Variants in RTN4RL1 observed in about 807,000 individuals in gnomAD.
RTN4RL1 encodes reticulon-4 receptor-like 1.
Under a neutral mutation model 25.6 loss-of-function variants are expected in RTN4RL1, and 7 were observed. That is an observed-to-expected ratio of 0.27 (90% confidence interval 0.16 to 0.51). The LOEUF (loss-of-function observed/expected upper bound fraction) is 0.51. RTN4RL1 is among the 20% of genes least tolerant of loss of function. RTN4RL1 has a pLI of 0.97. For synonymous variants in RTN4RL1, 297 were observed against 288.2 expected, an observed-to-expected ratio of 1.03 and a Z score of -0.31; for missense variants, 500 against 615.6, an observed-to-expected ratio of 0.81 and a Z score of 1.99.
chr17:1,971,886 T>C (rs1352418550), intron 1 of RTN4RL1, among the ~76,000 whole-genome samples: 151 of 136,890 alleles, frequency 1.1e-3, no homozygotes, highest in African/African-American at 3.3e-3. Flanking sequence ...GGCATGAACC[T>C]GGGAGGCGGA....
At chr17:1,947,732 C>T (rs980340797) in intron 1 of RTN4RL1, among the ~76,000 whole-genome samples, 4 of 152,338 alleles carry the variant, frequency 2.6e-5, no homozygotes, top group East Asian at 1.9e-4. Flanking sequence ...ATCGGGTCTC[C>T]GGTCTCCTTG....
At chr17:1,937,967 G>C (rs1915347709) in intron 1 of RTN4RL1, among the ~76,000 whole-genome samples, 159 bp from the exon 2 acceptor site, 1 of 152,238 alleles carries the variant, frequency 6.6e-6, no homozygotes, top group South Asian at 2.1e-4. Context: ...CCCAAGCCTG[G>C]AACCCGTCGG....
At chr17:2,023,574 T>G (rs546867925) in intron 1 of RTN4RL1, 3 of 152,480 alleles carry the variant, frequency 2.0e-5, no homozygotes, top group Admixed American at 2.0e-4. Flanking sequence ...AAAGGCGTGG[T>G]TCCTCCACCC....
rs779811649 is a variant in RTN4RL1 at position 1,937,343 on chromosome 17, T to C, written c.479A>G (p.His160Arg). 3.3e-5 allele frequency: 54 copies of C among 1,613,428 alleles called. No homozygotes were observed. The highest frequency in any genetic ancestry group is 1.6e-4 in the Middle Eastern group (1 of 6,084). ...GATGTCGTCCTGGAGGTACTCGATG[T>C]GGTTGTCCTGCAGGTAGAGGTACTG... ...SLQYLYLQDN[H>R]IEYLQDDIFV... is the part of the protein sequence containing the mutation. The change falls in exon 2 of 2, where the codon CAC (histidine) becomes CGC (arginine). Residue 160 changes from histidine to arginine, a missense_variant. Physicochemically the swap from His to Arg is conservative, Grantham distance 29. Coordinates refer to ENST00000331238, the MANE Select transcript of RTN4RL1 (RefSeq NM_178568.4).
intron 1 of RTN4RL1, among the ~76,000 whole-genome samples, chr17:1,945,268 GC>G (rs1477296284): frequency 3.9e-5 from 6 of 152,292 alleles, no homozygotes; most frequent in Non-Finnish European, 8.8e-5. Flanking sequence ...TATCACCCAG[GC>G]TGGAGTGCAG....
chr17:2,020,579 A>G (rs1162057767), intron 1 of RTN4RL1: 1 of 152,202 alleles, frequency 6.6e-6, no homozygotes, highest in African/African-American at 2.4e-5. Context: ...AGGGAACCAA[A>G]TGCATCGTAC....
rs1016854139 is a variant in RTN4RL1, at chr17:1,951,448, T to A, written c.14-13640A>T. 6.6e-5 allele frequency among the ~76,000 whole-genome samples: 10 copies of A among 150,526 alleles called. No individual in the cohort carries two copies. In the East Asian group the frequency reaches 2.0e-3, roughly 30 times the overall value. ...GAAGCCACAAAGTTTTTTTTGTTGT[T>A]TTTTTGTTTGTTTGTTTTTTTGGGA... On this transcript the variant is annotated intron_variant, in intron 1 of 1. Coordinates refer to ENST00000331238, the MANE Select transcript of RTN4RL1 (RefSeq NM_178568.4).
intron 1 of RTN4RL1, among the ~76,000 whole-genome samples, chr17:2,016,135 C>T (rs112388790): frequency 1.3e-5 from 2 of 152,304 alleles, no homozygotes; most frequent in South Asian, 4.1e-4. Context: ...AATCCCAGCA[C>T]TTTGGGAGGC....
chr17:2,023,678 CA>C (rs2067239361), intron 1 of RTN4RL1: 2 of 140,174 alleles, frequency 1.4e-5, no homozygotes, highest in Non-Finnish European at 3.2e-5. Flanking sequence ...CCCACCTCCC[CA>C]ACCTCCCCCC....
chr17:1,958,583 G>C (rs1366053787), intron 1 of RTN4RL1, among the ~76,000 whole-genome samples: 1 of 152,246 alleles, frequency 6.6e-6, no homozygotes, highest in Non-Finnish European at 1.5e-5. Context: ...ATTTGCTGGA[G>C]TTGGCACGAC....
intron 1 of RTN4RL1, among the ~76,000 whole-genome samples, chr17:1,978,972 C>T (rs1451981507): frequency 6.6e-6 from 1 of 152,224 alleles, no homozygotes; most frequent in Non-Finnish European, 1.5e-5. Flanking sequence ...TGCCTCTTAG[C>T]ACCATTTCCA....
intron 1 of RTN4RL1, among the ~76,000 whole-genome samples, chr17:1,993,725 G>A (rs1273277042): frequency 6.6e-6 from 1 of 151,392 alleles, no homozygotes; most frequent in Non-Finnish European, 1.5e-5. Context: ...AACAATTCTG[G>A]AACTTCCTCG....
intron 1 of RTN4RL1, among the ~76,000 whole-genome samples, chr17:1,978,259 G>C (rs117267336): frequency 1.3e-5 from 2 of 152,218 alleles, no homozygotes; most frequent in African/African-American, 2.4e-5. Flanking sequence ...GCCCCGACCC[G>C]TGCAAGCGGC....
chr17:1,996,965 C>T (rs1285000360), intron 1 of RTN4RL1, among the ~76,000 whole-genome samples: 1 of 152,166 alleles, frequency 6.6e-6, no homozygotes, highest in Non-Finnish European at 1.5e-5. Context: ...CAGTCATAAC[C>T]CAAGCCAGGC....
intron 1 of RTN4RL1, among the ~76,000 whole-genome samples, chr17:1,986,272 G>A (rs925264947): frequency 6.6e-6 from 1 of 152,096 alleles, no homozygotes; most frequent in Non-Finnish European, 1.5e-5. Context: ...ACCACCCGAT[G>A]AAGTAGGTAT....
chr17:1,999,333 C>G (rs1435739589), intron 1 of RTN4RL1, among the ~76,000 whole-genome samples: 1 of 152,080 alleles, frequency 6.6e-6, no homozygotes, highest in African/African-American at 2.4e-5. Flanking sequence ...GTGATCCCAG[C>G]TACTCGGGAG....
intron 1 of RTN4RL1, among the ~76,000 whole-genome samples, chr17:1,997,767 TA>T (rs2066935944): frequency 1.3e-5 from 2 of 152,032 alleles, no homozygotes; most frequent in Admixed American, 6.5e-5. Flanking sequence ...TTTAAACCAC[TA>T]GGACTCGGAG....
At chr17:1,985,888 G>C (rs897300193) in intron 1 of RTN4RL1, among the ~76,000 whole-genome samples, 3 of 152,076 alleles carry the variant, frequency 2.0e-5, no homozygotes, top group Non-Finnish European at 4.4e-5. Context: ...CCGGCCTCCA[G>C]AGCCAGGGTG....
chr17:1,971,842 G>A (rs1305551805), intron 1 of RTN4RL1, among the ~76,000 whole-genome samples: 1 of 151,542 alleles, frequency 6.6e-6, no homozygotes, highest in Non-Finnish European at 1.5e-5. Context: ...GGCGCCTGTA[G>A]TCCCAGCTAC....
Sources: gnomAD v4.1 joint callset for allele counts (sites outside exome capture counted in the v4.1 genomes callset) on GRCh38, gnomAD v4.1.1 for gene constraint, MANE v1.5 for transcripts, NCBI Gene and HGNC (gene_info 2026-07-23, HGNC 2026-07-21) for gene names.